Variants in CTNND2 observed in about 807,000 individuals in gnomAD.
CTNND2 encodes the protein catenin delta-2.
Under a neutral mutation model 144.4 loss-of-function variants are expected in CTNND2, and 22 were observed. That is an observed-to-expected ratio of 0.15 (90% confidence interval 0.11 to 0.22). The LOEUF is 0.22. Ranked by LOEUF, CTNND2 falls within the 10% of genes least tolerant of loss-of-function variation. CTNND2 has a pLI of 1.00. For synonymous variants in CTNND2, 751 were observed against 695.6 expected, an observed-to-expected ratio of 1.08 and a Z score of -1.25; for missense variants, 1,353 against 1,618.8, an observed-to-expected ratio of 0.84 and a Z score of 2.82.
chr5:11,021,695 C>T (rs1742272395), intron 17 of CTNND2, among the ~76,000 whole-genome samples: 1 of 151,934 alleles, frequency 6.6e-6, no homozygotes, highest in African/African-American at 2.4e-5. Flanking sequence ...TTCTATAATA[C>T]ATTGGTACTA....
chr5:11,223,561 C>T (rs898176261), intron 10 of CTNND2, among the ~76,000 whole-genome samples: 1 of 152,184 alleles, frequency 6.6e-6, no homozygotes, highest in Non-Finnish European at 1.5e-5. Context: ...TCTACTGCCC[C>T]TAGAGAGATT....
intron 1 of CTNND2, among the ~76,000 whole-genome samples, chr5:11,832,500 G>A (rs1485249039): frequency 6.6e-6 from 1 of 152,022 alleles, no homozygotes; most frequent in Non-Finnish European, 1.5e-5. Context: ...TTGGCAAAAG[G>A]TGTTAAAAAA....
At chr5:11,717,288 AC>A (rs1786407096) in intron 2 of CTNND2, among the ~76,000 whole-genome samples, 1 of 151,906 alleles carries the variant, frequency 6.6e-6, no homozygotes, top group African/African-American at 2.4e-5. Context: ...ATAAAGACGT[AC>A]CTGGCAGGGC....
intron 3 of CTNND2, among the ~76,000 whole-genome samples, chr5:11,423,713 T>C (rs1344803033): frequency 6.6e-6 from 1 of 152,200 alleles, no homozygotes; most frequent in African/African-American, 2.4e-5. Context: ...ATAGCTTCTC[T>C]TTCCTCTGCT....
chr5:11,112,193 G>A (rs61754592), intron 13 of CTNND2, among the ~76,000 whole-genome samples: 2,026 of 152,262 alleles, frequency 0.013, 43 homozygotes, highest in African/African-American at 0.045. Flanking sequence ...GTTAGGTCAC[G>A]TGGCTGGCAG....
At chr5:11,662,207 A>G (rs529833887) in intron 2 of CTNND2, among the ~76,000 whole-genome samples, 10 of 131,718 alleles carry the variant, frequency 7.6e-5, no homozygotes, top group South Asian at 7.1e-4. Context: ...GTATATATGT[A>G]TATATATACA....
At chr5:11,032,267 T>C (rs1743557991) in intron 16 of CTNND2, among the ~76,000 whole-genome samples, 1 of 152,202 alleles carries the variant, frequency 6.6e-6, no homozygotes, top group Non-Finnish European at 1.5e-5. Flanking sequence ...TGTAAGTTAG[T>C]GTGAAAAGGA....
intron 3 of CTNND2, among the ~76,000 whole-genome samples, chr5:11,514,102 T>A (rs1771919049): frequency 6.6e-6 from 1 of 151,050 alleles, no homozygotes; most frequent in Admixed American, 6.6e-5. Flanking sequence ...GGGAGGACGC[T>A]TGAGCCAAGG....
At chr5:11,290,778 G>T (rs1033749763) in intron 9 of CTNND2, among the ~76,000 whole-genome samples, 5 of 152,116 alleles carry the variant, frequency 3.3e-5, no homozygotes, top group Admixed American at 3.3e-4. Context: ...TAAAAGAGAT[G>T]AAGCAAAATC....
chr5:11,524,944 C>A (rs1164624377), intron 3 of CTNND2, among the ~76,000 whole-genome samples: 1 of 152,236 alleles, frequency 6.6e-6, no homozygotes, highest in Admixed American at 6.5e-5. Context: ...TGATCCATAG[C>A]TTACTCACAA....
At chr5:11,549,850 T>G (rs1298453282) in intron 3 of CTNND2, among the ~76,000 whole-genome samples, 1 of 152,172 alleles carries the variant, frequency 6.6e-6, no homozygotes, top group East Asian at 1.9e-4. Context: ...AGAACATTGC[T>G]GTACTCTAGT....
chr5:11,450,393 A>C (rs1765196364), intron 3 of CTNND2, among the ~76,000 whole-genome samples: 1 of 152,210 alleles, frequency 6.6e-6, no homozygotes, highest in South Asian at 2.1e-4. Flanking sequence ...CCAATGGGTA[A>C]AACTTAAGTC....
At chr5:11,489,855 T>C (rs1417606456) in intron 3 of CTNND2, among the ~76,000 whole-genome samples, 1 of 152,236 alleles carries the variant, frequency 6.6e-6, no homozygotes, top group Non-Finnish European at 1.5e-5. Context: ...AACAACTTAG[T>C]GAATGCGTAC....
chr5:11,246,266 T>C (rs139017139), intron 9 of CTNND2, among the ~76,000 whole-genome samples: 2 of 152,312 alleles, frequency 1.3e-5, no homozygotes, highest in African/African-American at 4.8e-5. Context: ...CCAGAATTCA[T>C]GTCCTCCTGG....
chr5:11,733,241 A>G (rs7710024), intron 1 of CTNND2, among the ~76,000 whole-genome samples: 13,489 of 152,156 alleles, frequency 0.089, 1,191 homozygotes, highest in African/African-American at 0.23. Flanking sequence ...TGCAATTGGT[A>G]TCTGGGGGGA....
chr5:11,877,662 C>A (rs562491682), intron 1 of CTNND2, among the ~76,000 whole-genome samples: 1 of 151,740 alleles, frequency 6.6e-6, no homozygotes, highest in African/African-American at 2.4e-5. Flanking sequence ...GCAAGAAAAT[C>A]AAGGTTTGCA....
At chr5:11,691,927 T>C (rs1421527182) in intron 2 of CTNND2, among the ~76,000 whole-genome samples, 1 of 152,196 alleles carries the variant, frequency 6.6e-6, no homozygotes. Context: ...AGTTCTCAAT[T>C]ATGTAACTAT....
At chr5:11,715,298 A>C (rs1029704668) in intron 2 of CTNND2, among the ~76,000 whole-genome samples, 1 of 152,204 alleles carries the variant, frequency 6.6e-6, no homozygotes, top group African/African-American at 2.4e-5. Context: ...GAAGCATTAC[A>C]TCTTCAGGTT....
chr5:11,475,127 T>C (rs774080235), intron 3 of CTNND2, among the ~76,000 whole-genome samples: 2 of 152,212 alleles, frequency 1.3e-5, no homozygotes, highest in Non-Finnish European at 2.9e-5. Flanking sequence ...TGCAGGCAAG[T>C]CAATTTGACT....
Sources: allele counts gnomAD v4.1 joint callset (sites outside exome capture counted in the v4.1 genomes callset), GRCh38; gene constraint gnomAD v4.1.1; transcripts MANE v1.5; gene names NCBI Gene and HGNC (gene_info 2026-07-23, HGNC 2026-07-21).